SLC44A3: variants seen among roughly 807,000 people sequenced by gnomAD.
SLC44A3 encodes the protein choline transporter-like protein 3.
In SLC44A3, 74 loss-of-function variants were observed where a neutral mutation model predicts 75.4. The observed-to-expected ratio is 0.98, with a 90% CI of 0.81 to 1.19. SLC44A3 has a LOEUF of 1.19. Among genes scored for constraint, SLC44A3 ranks in the 50% most tolerant of loss-of-function variants. The pLI is 0.00. For missense variants in SLC44A3, 700 were observed against 778.6 expected (o/e 0.90, Z 1.20); for synonymous variants, 310 against 296.9 (o/e 1.04, Z -0.45).
intron 9 of SLC44A3, among the ~76,000 whole-genome samples, chr1:94,846,384 G>C (rs190140365): frequency 5.3e-5 from 8 of 152,254 alleles, no homozygotes; most frequent in African/African-American, 1.7e-4. Flanking sequence ...GTGGGACCTA[G>C]TATATGTTCT....
intron 5 of SLC44A3, among the ~76,000 whole-genome samples, chr1:94,834,999 C>G (rs1662588850): frequency 6.6e-6 from 1 of 152,210 alleles, no homozygotes; most frequent in Admixed American, 6.5e-5. Context: ...ATGAGAAAGG[C>G]ACTTCACCTC....
intron 12 of SLC44A3, among the ~76,000 whole-genome samples, chr1:94,889,884 C>T (rs1670015383): frequency 6.6e-6 from 1 of 151,348 alleles, no homozygotes; most frequent in Non-Finnish European, 1.5e-5. Flanking sequence ...GAGTTTCGCT[C>T]TTGTTGCCCA....
chr1:94,837,261 G>C (rs778081491), intron 5 of SLC44A3, among the ~76,000 whole-genome samples: 1 of 152,082 alleles, frequency 6.6e-6, no homozygotes, highest in Non-Finnish European at 1.5e-5. Context: ...AGTAAAGCAT[G>C]GTGACTATAG....
intron 7 of SLC44A3, among the ~76,000 whole-genome samples, chr1:94,840,283 C>CTTTTTTTTTTTT (rs56383271): frequency 1.3e-5 from 1 of 77,358 alleles, no homozygotes; most frequent in Non-Finnish European, 2.3e-5. Flanking sequence ...TTTCTTTTTC[C>CTTTTTTTTTTTT]TTTTTTTTTT....
In SLC44A3 at chr1:94,864,280, A is replaced by G. The variant is rs79646441; in HGVS notation, c.1239-463A>G. 4.6e-5 allele frequency among the ~76,000 whole-genome samples: 7 copies of G among 152,270 alleles called. No individual in the cohort carries two copies. The East Asian group carries it at 1.4e-3, about 29-fold the overall frequency. ...CCAGGGCTTTCTGTCCCTTTCCTGTAAGTGGGAGCTCACTATTACCTCTCT... is the reference window on the plus strand; with the variant it reads ...CCAGGGCTTTCTGTCCCTTTCCTGTGAGTGGGAGCTCACTATTACCTCTCT... On this transcript the variant is annotated intron_variant, in intron 10 of 14. Transcript: ENST00000271227.
chr1:94,872,964 A>C (rs956505728), intron 12 of SLC44A3, among the ~76,000 whole-genome samples: 4 of 152,226 alleles, frequency 2.6e-5, no homozygotes, highest in Admixed American at 2.6e-4. Flanking sequence ...ATTCTGAGGC[A>C]CTGGAATCTT....
chr1:94,866,827 C>T (rs1253916107), intron 11 of SLC44A3, among the ~76,000 whole-genome samples: 2 of 152,046 alleles, frequency 1.3e-5, no homozygotes, highest in Admixed American at 1.3e-4. Context: ...ATTTATCCCT[C>T]GAAATTTAGT....
At chr1:94,834,909 G>A (rs1417887696) in intron 5 of SLC44A3, among the ~76,000 whole-genome samples, 1 of 152,146 alleles carries the variant, frequency 6.6e-6, no homozygotes, top group Non-Finnish European at 1.5e-5. Context: ...ACTTTACAAG[G>A]AGAAACCCGG....
rs765676964 is a variant in SLC44A3 at position 94,824,448 on chromosome 1, G to A, written c.136-45G>A. 1.3e-4 allele frequency: 206 copies of A among 1,549,762 alleles called. 1 individual carries two copies. The South Asian group carries it at 2.5e-3, about 18-fold the overall frequency. Reference sequence around the variant, plus strand: ...TCTGCAGGGGTGTGGGGCACTGTGCGCTCAGCCCTTTGGCCAGGCTCTCAT... The same window carrying A: ...TCTGCAGGGGTGTGGGGCACTGTGCACTCAGCCCTTTGGCCAGGCTCTCAT... On this transcript the variant is annotated intron_variant, in intron 2 of 14. Transcript: ENST00000271227.
chr1:94,895,084 A>G lies in SLC44A3; in HGVS notation c.*162A>G, dbSNP rs1183737374. 6.8e-6 allele frequency: 4 copies of G among 591,224 alleles called. No homozygotes were observed. The highest frequency in any genetic ancestry group is 3.0e-6 in the Non-Finnish European group (1 of 328,092). 36.6% of individuals were successfully genotyped at this position (591,224 alleles called of 1,614,324 possible). ...TTTGTCATTATTGTTTGACCAGGTA[A>G]CAATACTGGAACTATATTAGTTTAC... On this transcript the variant is annotated 3_prime_UTR_variant, in exon 15 of 15. Coordinates refer to ENST00000271227, the MANE Select transcript of SLC44A3 (RefSeq NM_001114106.3).
intron 9 of SLC44A3, among the ~76,000 whole-genome samples, chr1:94,850,329 T>A (rs1665050737): frequency 1.3e-5 from 2 of 152,196 alleles, no homozygotes; most frequent in Non-Finnish European, 2.9e-5. Context: ...AAGTGAAAAC[T>A]GTGGTAACCT....
At chr1:94,832,408 T>A (rs4000647) in intron 5 of SLC44A3, among the ~76,000 whole-genome samples, 82,528 of 151,828 alleles carry the variant, frequency 0.54, 22,495 homozygotes, top group East Asian at 0.69. Flanking sequence ...GCATAAAAAG[T>A]GGAAAATGTA....
At position 94,857,320 on chromosome 1, in the gene SLC44A3, T is replaced by A; in HGVS notation, c.1073-15T>A. Reference sequence around the variant, plus strand: ...AAAACATTGGTGTAAAGCATGTTTGTGTTTGAAACTTTAGGAGCTGCCCAG... The same window carrying A: ...AAAACATTGGTGTAAAGCATGTTTGAGTTTGAAACTTTAGGAGCTGCCCAG... On this transcript the variant is annotated splice_polypyrimidine_tract_variant and intron_variant, in intron 9 of 14. Transcript: ENST00000271227. 6.3e-7 allele frequency: 1 copy of A among 1,585,998 alleles called. No homozygotes were observed. The highest frequency in any genetic ancestry group is 8.6e-7 in the Non-Finnish European group (1 of 1,168,074).
intron 12 of SLC44A3, among the ~76,000 whole-genome samples, chr1:94,879,216 A>AG: frequency 1.0e-5 from 1 of 96,746 alleles, no homozygotes; most frequent in Admixed American, 9.7e-5. Context: ...AACAACTACA[A>AG]AAAAAAAAAA....
intron 9 of SLC44A3, among the ~76,000 whole-genome samples, chr1:94,848,222 C>T (rs61772568): frequency 1.0e-5 from 1 of 96,806 alleles, no homozygotes; most frequent in South Asian, 3.8e-4. Flanking sequence ...GAGTGAGACT[C>T]TGTCTCAAAA....
At chr1:94,846,027 A>C (rs1222538715) in intron 9 of SLC44A3, among the ~76,000 whole-genome samples, 1 of 151,792 alleles carries the variant, frequency 6.6e-6, no homozygotes, top group Non-Finnish European at 1.5e-5. Flanking sequence ...TGCACCTGTA[A>C]TCCCAGCTGC....
intron 9 of SLC44A3, among the ~76,000 whole-genome samples, chr1:94,849,887 G>A (rs1006826198): frequency 5.3e-5 from 8 of 151,990 alleles, no homozygotes; most frequent in Admixed American, 2.6e-4. Context: ...AGTAGCTGGG[G>A]CTGCACATGC....
intron 5 of SLC44A3, among the ~76,000 whole-genome samples, chr1:94,837,478 T>G (rs1182840128): frequency 6.6e-6 from 1 of 152,160 alleles, no homozygotes; most frequent in African/African-American, 2.4e-5. Context: ...CAAGTTTAGG[T>G]TTTTGGTTTC....
At chr1:94,877,677 C>A (rs994552970) in intron 12 of SLC44A3, among the ~76,000 whole-genome samples, 1 of 151,868 alleles carries the variant, frequency 6.6e-6, no homozygotes. Flanking sequence ...CTAGGTGGGG[C>A]GAAAAAGTTC....
Sources: gnomAD v4.1 joint callset for allele counts (sites outside exome capture counted in the v4.1 genomes callset) on GRCh38, gnomAD v4.1.1 for gene constraint, MANE v1.5 for transcripts, NCBI Gene and HGNC (gene_info 2026-07-23, HGNC 2026-07-21) for gene names.